Variants in P4HA1 observed in about 807,000 individuals in gnomAD.
P4HA1 encodes prolyl 4-hydroxylase subunit alpha-1.
Under a neutral mutation model 72.8 loss-of-function variants are expected in P4HA1, and 24 were observed. That is an observed-to-expected ratio of 0.33 (90% CI 0.24 to 0.46). The LOEUF is 0.46. Among genes scored for constraint, P4HA1 ranks in the 20% least tolerant of loss-of-function variants. P4HA1 has a pLI of 1.00. For synonymous variants in P4HA1, 201 were observed against 218.8 expected, an observed-to-expected ratio of 0.92 and a Z score of 0.72; for missense variants, 446 against 640.6, an observed-to-expected ratio of 0.70 and a Z score of 3.28.
At chr10:73,011,319 G>A (rs1041745219) in intron 12 of P4HA1, among the ~76,000 whole-genome samples, 2 of 151,984 alleles carry the variant, frequency 1.3e-5, no homozygotes, top group Non-Finnish European at 2.9e-5. Flanking sequence ...ATAGCCAGAG[G>A]GAAAAAGTAA....
chr10:73,028,197 C>T (rs998586879), intron 10 of P4HA1, among the ~76,000 whole-genome samples: 2 of 150,068 alleles, frequency 1.3e-5, no homozygotes, highest in South Asian at 2.1e-4. Context: ...AAACTGCAAG[C>T]GTTATAAATA....
chr10:73,095,227 TAAAAAAAAAAAAAA>T (rs35159575), intron 1 of P4HA1, among the ~76,000 whole-genome samples: 2 of 67,314 alleles, frequency 3.0e-5, no homozygotes, highest in Non-Finnish European at 7.2e-5. Flanking sequence ...GCTCACAAGC[TAAAAAAAAAAAAAA>T]AAAAAAAAAA....
Position 73,009,822 on chromosome 10 carries a change from C to T in P4HA1, c.1519G>A (p.Val507Ile). The T allele has an allele frequency of 6.3e-7, 1 of 1,594,642 alleles. No individual in the cohort carries two copies. Among genetic ancestry groups the T allele is most frequent in the Non-Finnish European group, 8.6e-7 (1 of 1,162,364 alleles). The change falls in exon 14 of 15, where the codon GTT (valine) becomes ATT (isoleucine). Residue 507 changes from valine (V) to isoleucine (I), a missense_variant. Transcript: ENST00000394890. ...AAATATTTACCCCATTTGTTGCCAACTAGCACTGGACAGGCTGCATGCCGT... is the reference window on the plus strand; with the variant it reads ...AAATATTTACCCCATTTGTTGCCAATTAGCACTGGACAGGCTGCATGCCGT... The part of the protein sequence containing the change: ...STRHAACPVL[V>I]GNKWVSNKWL...
chr10:73,014,417 TA>T, intron 11 of P4HA1, 128 bp from the exon 12 acceptor site: 1 of 685,208 alleles, frequency 1.5e-6, no homozygotes. Flanking sequence ...GTTTCCCTTG[TA>T]ATGTCCAGTG....
At chr10:73,012,121 G>A in intron 12 of P4HA1, among the ~76,000 whole-genome samples, 1 of 152,156 alleles carries the variant, frequency 6.6e-6, no homozygotes, top group East Asian at 1.9e-4. Context: ...CAGGAAGGGT[G>A]TTTACATTAA....
At chr10:73,055,804 A>C (rs1367521006) in intron 5 of P4HA1, among the ~76,000 whole-genome samples, 1 of 152,250 alleles carries the variant, frequency 6.6e-6, no homozygotes, top group Non-Finnish European at 1.5e-5. Context: ...ATAATGGCCT[A>C]GATTTATTGA....
intron 11 of P4HA1, among the ~76,000 whole-genome samples, chr10:73,016,540 G>C (rs1372164855): frequency 6.6e-6 from 1 of 152,260 alleles, no homozygotes; most frequent in East Asian, 1.9e-4. Context: ...ACTCTGGGAG[G>C]CTGAGGTGGG....
chr10:73,063,698 ATT>A, intron 5 of P4HA1, among the ~76,000 whole-genome samples: 1 of 152,118 alleles, frequency 6.6e-6, no homozygotes, highest in South Asian at 2.1e-4. Context: ...AGCACCAATA[ATT>A]TTTTTTACAT....
At chr10:73,057,786 A>G (rs534980046) in intron 5 of P4HA1, among the ~76,000 whole-genome samples, 7 of 152,190 alleles carry the variant, frequency 4.6e-5, no homozygotes, top group African/African-American at 1.7e-4. Context: ...AATGGTATAC[A>G]TAAATGCCAG....
chr10:73,037,580 T>C (rs1192534357), intron 9 of P4HA1, among the ~76,000 whole-genome samples: 1 of 126,658 alleles, frequency 7.9e-6, no homozygotes, highest in African/African-American at 3.0e-5. Flanking sequence ...TATTTTTTTT[T>C]TTTTTTTTTT....
At chr10:73,037,587 TTTTA>T (rs1840628660) in intron 9 of P4HA1, among the ~76,000 whole-genome samples, 2 of 126,778 alleles carry the variant, frequency 1.6e-5, no homozygotes, top group African/African-American at 6.4e-5. Context: ...TTTTTTTTTT[TTTTA>T]CAAAGGCAAA....
intron 1 of P4HA1, among the ~76,000 whole-genome samples, chr10:73,091,446 T>C (rs1281883752): frequency 6.6e-6 from 1 of 152,138 alleles, no homozygotes; most frequent in East Asian, 1.9e-4. Context: ...GGATTACAGA[T>C]GTGAGCCACC....
chr10:73,014,665 T>C (rs558568651), intron 11 of P4HA1, among the ~76,000 whole-genome samples: 1 of 152,304 alleles, frequency 6.6e-6, no homozygotes, highest in East Asian at 1.9e-4. Context: ...ACAGCCATTA[T>C]CTGCAAGCTA....
chr10:73,060,917 C>T (rs1307717150), intron 5 of P4HA1, among the ~76,000 whole-genome samples: 1 of 152,008 alleles, frequency 6.6e-6, no homozygotes, highest in Non-Finnish European at 1.5e-5. Context: ...ATAAAGAAGA[C>T]TAATTATAGA....
chr10:73,054,104 T>A (rs1258198669), intron 5 of P4HA1, among the ~76,000 whole-genome samples: 8 of 151,980 alleles, frequency 5.3e-5, no homozygotes, highest in African/African-American at 1.7e-4. Flanking sequence ...TTAGTAGAGA[T>A]GGAGTTGATC....
chr10:73,068,543 G>T (rs1841477810), intron 5 of P4HA1, among the ~76,000 whole-genome samples: 1 of 152,060 alleles, frequency 6.6e-6, no homozygotes, highest in South Asian at 2.1e-4. Context: ...AATAGTATTA[G>T]GTGTTCTGAA....
rs1157117056 is a variant in P4HA1 at position 73,027,876 on chromosome 10, G to GA, written c.1248+2394_1248+2395insT. 6.8e-4 allele frequency among the ~76,000 whole-genome samples: 78 copies of GA among 113,954 alleles called. 1 individual carries two copies. The highest frequency in any genetic ancestry group is 3.3e-3 in the African/African-American group (71 of 21,470). 74.8% of individuals were successfully genotyped at this position (113,954 alleles called of 152,430 possible). A position where few individuals can be genotyped will look rare whatever the true frequency, so the allele number is the denominator to read the frequency against. ...AGGAGGGGAGGGAGGGAGAGAGGGA[G>GA]GGAGGGAGGGACAGAGGGAGGGAGG... On this transcript the variant is annotated intron_variant, in intron 10 of 14. Coordinates refer to ENST00000394890, the MANE Select transcript of P4HA1 (RefSeq NM_001017962.3).
At chr10:73,079,674 G>A (rs569082924) in intron 1 of P4HA1, among the ~76,000 whole-genome samples, 16 of 152,118 alleles carry the variant, frequency 1.1e-4, no homozygotes, top group Non-Finnish European at 1.3e-4. Context: ...CCCAGGAGGC[G>A]GAGGTTCCTG....
chr10:73,019,015 T>C (rs1382217493), intron 10 of P4HA1, among the ~76,000 whole-genome samples: 1 of 151,904 alleles, frequency 6.6e-6, no homozygotes, highest in Non-Finnish European at 1.5e-5. Context: ...CCATGGCAGC[T>C]GCTTGTAGGA....
Sources: gnomAD v4.1 joint callset for allele counts (sites outside exome capture counted in the v4.1 genomes callset) on GRCh38, gnomAD v4.1.1 for gene constraint, MANE v1.5 for transcripts, NCBI Gene and HGNC (gene_info 2026-07-23, HGNC 2026-07-21) for gene names.